THSD7B: variants seen among roughly 807,000 people sequenced by gnomAD.
The protein encoded by THSD7B is thrombospondin type-1 domain-containing protein 7B.
A neutral mutation model predicts 213.6 loss-of-function variants in THSD7B; 138 were observed. The observed-to-expected ratio is 0.65, with a 90% CI of 0.56 to 0.74. THSD7B has a LOEUF of 0.74. Ranked by LOEUF, THSD7B falls within the 30% of genes least tolerant of loss-of-function variation. The pLI, the probability that THSD7B is intolerant of heterozygous loss-of-function variation, is 0.00. For synonymous variants in THSD7B, 742 were observed against 687.0 expected (o/e 1.08, Z -1.25); for missense variants, 1,931 against 1,991.5 (o/e 0.97, Z 0.58).
At chr2:136,788,024 G>A (rs952737334) in intron 1 of THSD7B, among the ~76,000 whole-genome samples, 6 of 152,176 alleles carry the variant, frequency 3.9e-5, no homozygotes, top group Non-Finnish European at 7.3e-5. Flanking sequence ...AAAACTGACT[G>A]ATGCAGAGGA....
intron 2 of THSD7B, among the ~76,000 whole-genome samples, chr2:136,983,516 T>C (rs62170857): frequency 6.6e-6 from 1 of 150,488 alleles, no homozygotes; most frequent in Non-Finnish European, 1.5e-5. Context: ...TTTTTTTTTT[T>C]TCTGAGGAGT....
At chr2:137,545,113 T>A (rs890554959) in intron 15 of THSD7B, among the ~76,000 whole-genome samples, 2 of 151,834 alleles carry the variant, frequency 1.3e-5, no homozygotes, top group African/African-American at 4.8e-5. Context: ...TGCAGCTGTA[T>A]TTTTGATGAA....
At chr2:137,648,001 T>C (rs920452978) in intron 21 of THSD7B, among the ~76,000 whole-genome samples, 1 of 152,204 alleles carries the variant, frequency 6.6e-6, no homozygotes. Flanking sequence ...TATCCAAATA[T>C]CTAATAGACT....
chr2:136,947,551 C>T (rs143997833), intron 2 of THSD7B, among the ~76,000 whole-genome samples: 40 of 152,240 alleles, frequency 2.6e-4, no homozygotes, highest in African/African-American at 8.7e-4. Context: ...TGATGATAGA[C>T]GACCCTGACC....
Position 137,359,882 on chromosome 2 carries a change from C to T in THSD7B, c.2501-45731C>T, listed in dbSNP as rs140259835. ...CACAAACACATACAGGCTCACAAGA[C>T]AGTTGGTATTCAAAATATTTGTATT... On this transcript the variant is annotated intron_variant, in intron 12 of 27. Transcript: ENST00000409968. Among the ~76,000 whole-genome samples the T allele has an allele frequency of 8.5e-5, 13 of 152,272 alleles. No homozygotes were observed. In the East Asian group the frequency reaches 1.9e-3, roughly 23 times the overall value.
intron 7 of THSD7B, among the ~76,000 whole-genome samples, chr2:137,206,155 G>A (rs1224098841): frequency 6.6e-6 from 1 of 151,706 alleles, no homozygotes; most frequent in Non-Finnish European, 1.5e-5. Flanking sequence ...TGATTCTTAA[G>A]CAGCTGTTGA....
intron 1 of THSD7B, among the ~76,000 whole-genome samples, 151 bp downstream of exon 1, chr2:136,765,838 C>T (rs779624326): frequency 5.3e-5 from 8 of 152,220 alleles, no homozygotes; most frequent in Non-Finnish European, 8.8e-5. Context: ...GCCCCTTCTC[C>T]CAGCCAGACG....
At position 137,057,114 on chromosome 2, in the gene THSD7B, C is replaced by T. The variant is rs1489520918; in HGVS notation, c.834C>T (p.Thr278=). ...ACTCTGATTCAAATGAGCGAGTCAC[C>T]TTTAAACATCAAAGTTACAAAGCAC... ...DFNSDSNERV[T]FKHQSYKAHH... is the part of the protein sequence containing the mutation. Residue 278 remains threonine (T), a synonymous_variant, in exon 3 of 28, where the codon ACC becomes ACT. Transcript: ENST00000409968. 6.2e-7 allele frequency: 1 copy of T among 1,613,932 alleles called. No homozygotes were observed. The highest frequency in any genetic ancestry group is 8.5e-7 in the Non-Finnish European group (1 of 1,179,866).
chr2:137,179,304 G>C (rs1680411958), intron 7 of THSD7B, among the ~76,000 whole-genome samples: 1 of 152,062 alleles, frequency 6.6e-6, no homozygotes, highest in Non-Finnish European at 1.5e-5. Flanking sequence ...ATTAGTCACA[G>C]GGACACAGTT....
intron 2 of THSD7B, among the ~76,000 whole-genome samples, chr2:136,951,410 A>G (rs777888449): frequency 1.3e-5 from 2 of 152,212 alleles, no homozygotes; most frequent in Non-Finnish European, 2.9e-5. Context: ...ACTCTGTTGA[A>G]TCATCTAATT....
At chr2:137,301,064 T>A (rs1399851893) in intron 12 of THSD7B, among the ~76,000 whole-genome samples, 1 of 152,136 alleles carries the variant, frequency 6.6e-6, no homozygotes, top group Non-Finnish European at 1.5e-5. Context: ...AATTTATAAC[T>A]TTTATTGTAA....
chr2:137,438,126 G>A (rs1573625633), intron 14 of THSD7B, among the ~76,000 whole-genome samples: 1 of 152,134 alleles, frequency 6.6e-6, no homozygotes, highest in Non-Finnish European at 1.5e-5. Context: ...GCAATTTGAA[G>A]TACTTTCAAT....
intron 1 of THSD7B, among the ~76,000 whole-genome samples, chr2:136,821,110 T>C (rs982684597): frequency 6.6e-6 from 1 of 152,096 alleles, no homozygotes; most frequent in Admixed American, 6.5e-5. Context: ...TTTCTGTGAG[T>C]TTGATGTTTT....
At chr2:137,618,131 C>T (rs1446175987) in intron 18 of THSD7B, among the ~76,000 whole-genome samples, 2 of 152,168 alleles carry the variant, frequency 1.3e-5, no homozygotes, top group South Asian at 2.1e-4. Context: ...CTCCAGCCAG[C>T]CATGAGATGG....
intron 15 of THSD7B, among the ~76,000 whole-genome samples, chr2:137,489,080 A>T (rs1320216536): frequency 2.0e-5 from 3 of 152,220 alleles, no homozygotes; most frequent in Non-Finnish European, 4.4e-5. Flanking sequence ...TGTTATGCTA[A>T]CAAATAGAAA....
intron 12 of THSD7B, among the ~76,000 whole-genome samples, chr2:137,397,211 T>A (rs1473418171): frequency 6.6e-6 from 1 of 152,054 alleles, no homozygotes; most frequent in Non-Finnish European, 1.5e-5. Flanking sequence ...GTCATTATGA[T>A]GTTAGCTGGT....
intron 2 of THSD7B, among the ~76,000 whole-genome samples, chr2:136,890,386 TTCC>T (rs1213786866): frequency 1.1e-3 from 2 of 1,880 alleles, no homozygotes; most frequent in African/African-American, 2.6e-3. Flanking sequence ...CCTCTTCCTC[TTCC>T]TCTTCCTCTT....
At chr2:136,896,997 G>A (rs1683971108) in intron 2 of THSD7B, among the ~76,000 whole-genome samples, 1 of 151,728 alleles carries the variant, frequency 6.6e-6, no homozygotes, top group Admixed American at 6.6e-5. Context: ...CCACTCTGGA[G>A]TGCCATGGTG....
At chr2:136,987,131 C>T (rs905448816) in intron 2 of THSD7B, among the ~76,000 whole-genome samples, 15 of 152,180 alleles carry the variant, frequency 9.9e-5, no homozygotes, top group African/African-American at 3.6e-4. Flanking sequence ...CACAGTAGTT[C>T]AAGCAACATT....
Sources: allele counts gnomAD v4.1 joint callset (sites outside exome capture counted in the v4.1 genomes callset), GRCh38; gene constraint gnomAD v4.1.1; transcripts MANE v1.5; gene names NCBI Gene and HGNC (gene_info 2026-07-23, HGNC 2026-07-21).